The following PCDHGB1 variants were observed in gnomAD, a reference collection of about 807,000 sequenced individuals.
The protein encoded by PCDHGB1 is protocadherin gamma-B1.
In PCDHGB1, 34 loss-of-function variants were observed where a neutral mutation model predicts 56.6. That is an observed-to-expected ratio of 0.60 (90% CI 0.46 to 0.80). The LOEUF is 0.80. Among genes scored for constraint, PCDHGB1 ranks in the 30% least tolerant of loss-of-function variants. PCDHGB1 has a pLI of 0.00. For synonymous variants in PCDHGB1, 561 were observed against 505.9 expected, an observed-to-expected ratio of 1.11 and a Z score of -1.46; for missense variants, 1,278 against 1,204.6, an observed-to-expected ratio of 1.06 and a Z score of -0.90.
Position 141,352,519 on chromosome 5 carries a change from C to A in PCDHGB1, c.2259C>A (p.Ala753=), listed in dbSNP as rs1338121700. 1.9e-6 allele frequency: 3 copies of A among 1,613,892 alleles called. No individual in the cohort carries two copies. The African/African-American group carries it at 4.0e-5, about 22-fold the overall frequency. The part of the protein sequence containing the change: ...TLPYSYNLCI[A]SHSAKTEFNS... ...CCTATTCCTACAATCTATGTATTGCCTCTCATTCTGCAAAGACAGAGTTTA... is the reference window on the plus strand; with the variant it reads ...CCTATTCCTACAATCTATGTATTGCATCTCATTCTGCAAAGACAGAGTTTA... Residue 753 remains alanine, a synonymous_variant, in exon 1 of 4, where the codon GCC becomes GCA. Coordinates refer to ENST00000523390, the MANE Select transcript of PCDHGB1 (RefSeq NM_018922.3).
At chr5:141,427,480 A>G in intron 1 of PCDHGB1, 1 of 531,758 alleles carries the variant, frequency 1.9e-6, no homozygotes, top group South Asian at 1.5e-5. Context: ...GCCAATAATG[A>G]CTATAAGCTT....
In PCDHGB1 at chr5:141,476,599, TC is replaced by T; in HGVS notation, c.2410-18205del. The T allele has an allele frequency of 6.2e-7, 1 of 1,614,210 alleles. No individual in the cohort carries two copies. ...GCTTTCCGCTCGAGAGCGCGCACGA[TC>T]CCGATGTGGGAAGCAACTCTTTACA... is the stretch of plus-strand genomic sequence containing the variant. On this transcript the variant is annotated intron_variant, in intron 1 of 3. Transcript: ENST00000523390. This position sits in a 1 kb window ranked among gnomAD's most constrained non-coding sequence, Gnocchi z 7.6.
At position 141,476,689 on chromosome 5, in the gene PCDHGB1, C is replaced by A; in HGVS notation, c.2410-18118C>A. Reference sequence around the variant, plus strand: ...GCGTGCAGACGCGGGAGGACAGCACCAAGTACGCGGAGCTGGTGTTGGAGC... The same window carrying A: ...GCGTGCAGACGCGGGAGGACAGCACAAAGTACGCGGAGCTGGTGTTGGAGC... On this transcript the variant is annotated intron_variant, in intron 1 of 3. Transcript: ENST00000523390. The surrounding 1 kb of genome is among the most constrained non-coding windows in gnomAD (Gnocchi z 7.6). The A allele has an allele frequency of 1.9e-6, 3 of 1,614,226 alleles. No homozygotes were observed. Among genetic ancestry groups the A allele is most frequent in the Non-Finnish European group, 2.5e-6 (3 of 1,180,046 alleles).
chr5:141,479,188 A>G (rs2099489531), intron 1 of PCDHGB1: 1 of 152,606 alleles, frequency 6.6e-6, no homozygotes. Context: ...TAGAAAATTC[A>G]GAAAATACAG....
intron 1 of PCDHGB1, chr5:141,403,154 T>G (rs1166937788): frequency 6.2e-7 from 1 of 1,614,024 alleles, no homozygotes; most frequent in Non-Finnish European, 8.5e-7. Flanking sequence ...CCGCATCGTC[T>G]CTAGAGGTAG....
chr5:141,399,478 G>A, intron 1 of PCDHGB1: 2 of 1,614,012 alleles, frequency 1.2e-6, no homozygotes, highest in East Asian at 2.2e-5. Flanking sequence ...TTTCCACCAG[G>A]CGTCCTACTT....
chr5:141,488,748 T>C (rs2099679003), intron 1 of PCDHGB1, among the ~76,000 whole-genome samples: 1 of 152,270 alleles, frequency 6.6e-6, no homozygotes, highest in African/African-American at 2.4e-5. Flanking sequence ...ATGCAGGAAG[T>C]TGCTGGGACA....
intron 1 of PCDHGB1, among the ~76,000 whole-genome samples, chr5:141,460,983 GTATATA>G (rs59296681): frequency 0.23 from 32,081 of 137,558 alleles, 4,351 homozygotes; most frequent in African/African-American, 0.39. Context: ...GTGTGTGTGT[GTATATA>G]TATATATGTG....
intron 1 of PCDHGB1, chr5:141,366,141 T>A: frequency 6.2e-7 from 1 of 1,614,170 alleles, no homozygotes; most frequent in Non-Finnish European, 8.5e-7. Flanking sequence ...AACGCCTGGC[T>A]GTCCTACCGC....
At chr5:141,409,988 GCCGACT>G in intron 1 of PCDHGB1, 1 of 1,613,278 alleles carries the variant, frequency 6.2e-7, no homozygotes, top group East Asian at 2.2e-5. Context: ...AGCGGTGGAC[GCCGACT>G]CGGGACACAA....
chr5:141,419,481 C>T (rs2096389716), intron 1 of PCDHGB1: 1 of 1,612,422 alleles, frequency 6.2e-7, no homozygotes, highest in East Asian at 2.2e-5. Flanking sequence ...GGCTCGCCCG[C>T]GCTCAGCGCC....
chr5:141,485,503 C>T lies in PCDHGB1; in HGVS notation c.2410-9304C>T, dbSNP rs1057374827. The T allele has an allele frequency of 5.0e-6, 8 of 1,614,096 alleles. No homozygotes were observed. The highest frequency in any genetic ancestry group is 6.8e-6 in the Non-Finnish European group (8 of 1,180,008). On this transcript the variant is annotated intron_variant, in intron 1 of 3. Coordinates refer to ENST00000523390, the MANE Select transcript of PCDHGB1 (RefSeq NM_018922.3). This position sits in a 1 kb window ranked among gnomAD's most constrained non-coding sequence, Gnocchi z 5.7. ...GCATCGTGCCCCTGGAGTTTGTCAC[C>T]GAAGGTCCTTTGGAAATGTACCGAG...
chr5:141,385,104 G>A, intron 1 of PCDHGB1: 1 of 1,614,192 alleles, frequency 6.2e-7, no homozygotes, highest in Non-Finnish European at 8.5e-7. Flanking sequence ...TGGCGAACGT[G>A]CCCACCTCGC....
intron 1 of PCDHGB1, among the ~76,000 whole-genome samples, chr5:141,434,767 C>T (rs2097715264): frequency 6.6e-6 from 1 of 151,182 alleles, no homozygotes. Flanking sequence ...CCACTTCACA[C>T]TTCTAAAAAA....
chr5:141,407,455 C>G (rs2094931708), intron 1 of PCDHGB1, among the ~76,000 whole-genome samples: 1 of 148,412 alleles, frequency 6.7e-6, no homozygotes, highest in African/African-American at 2.5e-5. Context: ...ACGAGGCTCA[C>G]CAGACAGATG....
Position 141,478,415 on chromosome 5 carries a change from C to A in PCDHGB1, c.2410-16392C>A, listed in dbSNP as rs182700706. 5.6e-6 allele frequency: 9 copies of A among 1,613,648 alleles called. No homozygotes were observed. In the East Asian group the frequency reaches 2.0e-4, roughly 36 times the overall value. ...TCAGGTGTATCTCACCACGGACTCC[C>A]GCCGCAGCGACCCGCTGCTGAAGAA... On this transcript the variant is annotated intron_variant, in intron 1 of 3. Coordinates refer to ENST00000523390, the MANE Select transcript of PCDHGB1 (RefSeq NM_018922.3).
intron 1 of PCDHGB1, chr5:141,357,688 C>A (rs1173452937): frequency 6.4e-7 from 1 of 1,562,844 alleles, no homozygotes; most frequent in South Asian, 1.2e-5. Flanking sequence ...AAATGTCTCT[C>A]ATTTTATATG....
chr5:141,486,361 C>T lies in PCDHGB1; in HGVS notation c.2410-8446C>T. 1.2e-6 allele frequency: 2 copies of T among 1,614,086 alleles called. No individual in the cohort carries two copies. The highest frequency in any genetic ancestry group is 1.7e-6 in the Non-Finnish European group (2 of 1,179,994). On this transcript the variant is annotated intron_variant, in intron 1 of 3. Coordinates refer to ENST00000523390, the MANE Select transcript of PCDHGB1 (RefSeq NM_018922.3). This position sits in a 1 kb window ranked among gnomAD's most constrained non-coding sequence, Gnocchi z 5.0. ...GCATTCCTGACCACTTGCCATTTGCCCTCAAGTCTGCCTTCAGGAACCAGT... is the reference window on the plus strand; with the variant it reads ...GCATTCCTGACCACTTGCCATTTGCTCTCAAGTCTGCCTTCAGGAACCAGT...
In PCDHGB1 at chr5:141,511,599, C is replaced by G; in HGVS notation, c.*426C>G. 4.0e-6 allele frequency: 1 copy of G among 252,540 alleles called. No homozygotes were observed. Among genetic ancestry groups the G allele is most frequent in the South Asian group, 5.2e-5 (1 of 19,398 alleles). 15.6% of individuals were successfully genotyped at this position (252,540 alleles called of 1,614,324 possible). ...GTTGGGGTGTTGAAGTACCAAGTAA[C>G]CTACAAGCCTCCTAGTTCTGAAAAG... On this transcript the variant is annotated 3_prime_UTR_variant, in exon 4 of 4. Coordinates refer to ENST00000523390, the MANE Select transcript of PCDHGB1 (RefSeq NM_018922.3).
Sources: allele counts gnomAD v4.1 joint callset (sites outside exome capture counted in the v4.1 genomes callset), GRCh38; gene constraint gnomAD v4.1.1; non-coding constraint Gnocchi (gnomAD v3.1); transcripts MANE v1.5; gene names NCBI Gene and HGNC (gene_info 2026-07-23, HGNC 2026-07-21).